KATNIP: variants seen among roughly 807,000 people sequenced by gnomAD.
KATNIP encodes katanin interacting protein.
In KATNIP, 126 loss-of-function variants were observed where a neutral mutation model predicts 174.0. That is an observed-to-expected ratio of 0.72 (90% CI 0.63 to 0.84). The LOEUF (loss-of-function observed/expected upper bound fraction) is 0.84, where lower values mean the gene tolerates loss of function less well. KATNIP is among the 40% of genes least tolerant of loss of function. The pLI is 0.00. For synonymous variants in KATNIP, 810 were observed against 835.7 expected, an observed-to-expected ratio of 0.97 and a Z score of 0.53; for missense variants, 1,958 against 2,109.7, an observed-to-expected ratio of 0.93 and a Z score of 1.41.
At chr16:27,572,940 C>T (rs2090361841) in intron 1 of KATNIP, among the ~76,000 whole-genome samples, 1 of 152,218 alleles carries the variant, frequency 6.6e-6, no homozygotes, top group Non-Finnish European at 1.5e-5. Flanking sequence ...GCAAAAGCAT[C>T]ATCCCTTGAG....
chr16:27,663,666 C>G (rs1198940112), intron 6 of KATNIP, among the ~76,000 whole-genome samples: 2 of 150,128 alleles, frequency 1.3e-5, no homozygotes, highest in Non-Finnish European at 3.0e-5. Flanking sequence ...ACCATGTTGG[C>G]CAGGCTGCTC....
chr16:27,606,120 ACT>A (rs1442297820), intron 2 of KATNIP, among the ~76,000 whole-genome samples: 1 of 151,474 alleles, frequency 6.6e-6, no homozygotes, highest in Non-Finnish European at 1.5e-5. Flanking sequence ...ACAGTGCGAG[ACT>A]CTGTCTCAAA....
rs2082490830 is a variant in KATNIP, at chr16:27,776,157, T to G, written c.4450-771T>G. ...ACCCTGACCTTTATTGTTTCCATGG[T>G]CCAGCCAGGAGGCTGGCCCTACCCG... On this transcript the variant is annotated intron_variant, in intron 24 of 27. Coordinates refer to ENST00000261588, the MANE Select transcript of KATNIP (RefSeq NM_015202.5). This position sits in a 1 kb window ranked among gnomAD's most constrained non-coding sequence, Gnocchi z 4.7. Among the ~76,000 whole-genome samples, 1 of 152,132 alleles carries G rather than the reference T, an allele frequency of 6.6e-6. No homozygotes were observed. Among genetic ancestry groups the G allele is most frequent in the Non-Finnish European group, 1.5e-5 (1 of 68,012 alleles).
chr16:27,710,410 C>T (rs1373686445), intron 13 of KATNIP, among the ~76,000 whole-genome samples: 1 of 152,158 alleles, frequency 6.6e-6, no homozygotes, highest in Admixed American at 6.5e-5. Flanking sequence ...GGGGAGGGTA[C>T]TGGCATTTTT....
chr16:27,749,834 A>G lies in KATNIP; in HGVS notation c.2874A>G (p.Gly958=), dbSNP rs748683635. ...CGAGAGGGCAGGATGGCTACTCTGGAGAGACAGACGCTGGGGGTGACTTTA... is the reference window on the plus strand; with the variant it reads ...CGAGAGGGCAGGATGGCTACTCTGGGGAGACAGACGCTGGGGGTGACTTTA... The part of the protein sequence containing the change: ...GLSRGQDGYS[G]ETDAGGDFKI... The change falls in exon 16 of 28, where the codon GGA becomes GGG. Residue 958 remains glycine (G), a synonymous_variant. Transcript: ENST00000261588. The G allele has an allele frequency of 6.2e-7, 1 of 1,614,032 alleles. No homozygotes were observed. The highest frequency in any genetic ancestry group is 2.2e-5 in the East Asian group (1 of 44,880).
chr16:27,628,888 C>G, intron 4 of KATNIP, 58 bp downstream of exon 4: 2 of 1,565,554 alleles, frequency 1.3e-6, no homozygotes, highest in South Asian at 2.2e-5. Context: ...TAATTAGGGG[C>G]AGGGTGCAGT....
chr16:27,754,111 C>A, intron 17 of KATNIP, 62 bp from the exon 18 acceptor site: 2 of 1,374,040 alleles, frequency 1.5e-6, no homozygotes, highest in Non-Finnish European at 2.1e-6. Flanking sequence ...AGCCAGCCAG[C>A]TAGCTGTGTG....
At chr16:27,710,113 G>A (rs534723064) in intron 13 of KATNIP, among the ~76,000 whole-genome samples, 2 of 152,162 alleles carry the variant, frequency 1.3e-5, no homozygotes, top group Admixed American at 1.3e-4. Context: ...TAATCCCAGC[G>A]CTTTGGGAGG....
rs1567377703 is a variant in KATNIP at position 27,740,653 on chromosome 16, G to T, written c.2356G>T (p.Gly786Cys). The change falls in exon 15 of 28, where the codon GGC becomes TGC. Residue 786 changes from glycine (G) to cysteine (C), a missense_variant. Transcript: ENST00000261588. ...TCCCGAGAAGCCCCTGGCCTGGAAG[G>T]GCAGGCTCCCATCAGACGATGTCAT... ...LSPEKPLAWK[G>C]RLPSDDVIGE... 6.2e-7 allele frequency: 1 copy of T among 1,614,170 alleles called. No homozygotes were observed. The highest frequency in any genetic ancestry group is 1.1e-5 in the South Asian group (1 of 91,066).
intron 6 of KATNIP, among the ~76,000 whole-genome samples, chr16:27,661,187 A>G (rs2077463710): frequency 6.6e-6 from 1 of 152,164 alleles, no homozygotes; most frequent in Admixed American, 6.6e-5. Context: ...GGATCCTGAA[A>G]TATTGGGATT....
chr16:27,740,701 G>C lies in KATNIP; in HGVS notation c.2404G>C (p.Glu802Gln). Reference sequence around the variant, plus strand: ...CATCGGTGAGGGTCCTGGAGAGACCGAGGCCAGGGATAAAGGCCTACGGCA... The same window carrying C: ...CATCGGTGAGGGTCCTGGAGAGACCCAGGCCAGGGATAAAGGCCTACGGCA... Reference protein sequence around the residue: ...DVIGEGPGETEARDKGLRHEP... With the variant: ...DVIGEGPGETQARDKGLRHEP... Residue 802 changes from glutamate (E) to glutamine (Q), a missense_variant, in exon 15 of 28, where the codon GAG (glutamate) becomes CAG (glutamine). Physicochemically the swap from Glu to Gln is conservative, Grantham distance 29 (BLOSUM62 2). This residue lies in a region of KATNIP where 1,557 missense variants were observed against 1,617.8 expected (regional missense o/e 0.96). Transcript: ENST00000261588. The C allele has an allele frequency of 6.2e-7, 1 of 1,614,160 alleles. No individual in the cohort carries two copies. The highest frequency in any genetic ancestry group is 2.2e-5 in the East Asian group (1 of 44,882).
intron 19 of KATNIP, among the ~76,000 whole-genome samples, chr16:27,763,086 T>C (rs1237467369): frequency 2.6e-5 from 4 of 151,836 alleles, no homozygotes; most frequent in Non-Finnish European, 4.4e-5. Context: ...GAGGCCAAGA[T>C]AGAAGGATCA....
intron 2 of KATNIP, among the ~76,000 whole-genome samples, chr16:27,591,646 G>A (rs1355739400): frequency 6.6e-6 from 1 of 152,110 alleles, no homozygotes; most frequent in African/African-American, 2.4e-5. Flanking sequence ...AGTGGAAATA[G>A]CAAATGTCAA....
chr16:27,562,627 T>C (rs1379433889), intron 1 of KATNIP, among the ~76,000 whole-genome samples: 3 of 152,110 alleles, frequency 2.0e-5, no homozygotes, highest in African/African-American at 7.2e-5. Context: ...ACTCATACAC[T>C]ATGGGGAACT....
At chr16:27,694,295 A>C (rs1481971422) in intron 8 of KATNIP, among the ~76,000 whole-genome samples, 1 of 152,198 alleles carries the variant, frequency 6.6e-6, no homozygotes, top group Non-Finnish European at 1.5e-5. Flanking sequence ...GTGCTTCGAC[A>C]GGAGCCCTTA....
At chr16:27,601,579 G>A (rs1410041946) in intron 2 of KATNIP, among the ~76,000 whole-genome samples, 2 of 152,172 alleles carry the variant, frequency 1.3e-5, no homozygotes, top group Non-Finnish European at 2.9e-5. Flanking sequence ...GCCTCCCAAA[G>A]TTCTGGGATT....
intron 1 of KATNIP, among the ~76,000 whole-genome samples, chr16:27,562,320 A>C (rs564394661): frequency 6.6e-6 from 1 of 152,158 alleles, no homozygotes; most frequent in Non-Finnish European, 1.5e-5. Context: ...CAAAAAAATA[A>C]TAATGGTGAT....
chr16:27,768,098 G>A (rs1465590774), intron 20 of KATNIP, among the ~76,000 whole-genome samples: 2 of 152,106 alleles, frequency 1.3e-5, no homozygotes, highest in Non-Finnish European at 2.9e-5. Context: ...GGGGTGGGGG[G>A]GAATGGGCAC....
chr16:27,608,356 A>C (rs150779014), intron 2 of KATNIP, among the ~76,000 whole-genome samples: 1 of 146,968 alleles, frequency 6.8e-6, no homozygotes, highest in Non-Finnish European at 1.5e-5. Context: ...TCAGCCTCCC[A>C]AGTAGCTGGG....
Sources: gnomAD v4.1 joint callset for allele counts (sites outside exome capture counted in the v4.1 genomes callset) on GRCh38, gnomAD v4.1.1 for gene constraint, gnomAD v4.1.1 regional missense constraint, Gnocchi (gnomAD v3.1) non-coding constraint, MANE v1.5 for transcripts, NCBI Gene and HGNC (gene_info 2026-07-23, HGNC 2026-07-21) for gene names.